Variants in AJAP1 observed in about 807,000 individuals in gnomAD.
AJAP1 encodes adherens junction-associated protein 1.
In AJAP1, 5 loss-of-function variants were observed where a neutral mutation model predicts 35.0. The ratio of observed to expected loss-of-function variants is 0.14; its 90% CI spans 0.07 to 0.30. AJAP1 has a LOEUF of 0.30. Ranked by LOEUF, AJAP1 falls within the 10% of genes least tolerant of loss-of-function variation. The pLI is 1.00. For missense variants in AJAP1, 586 were observed against 571.0 expected (o/e 1.03, Z -0.27); for synonymous variants, 284 against 249.3 (o/e 1.14, Z -1.31).
chr1:4,655,336 G>C lies in AJAP1; in HGVS notation c.-90G>C, dbSNP rs1638853433. 4 of 1,238,472 alleles carry C rather than the reference G, an allele frequency of 3.2e-6. No individual in the cohort carries two copies. Among genetic ancestry groups the C allele is most frequent in the African/African-American group, 1.6e-5 (1 of 62,494 alleles). 76.7% of individuals were successfully genotyped at this position (1,238,472 alleles called of 1,614,324 possible). On this transcript the variant is annotated 5_prime_UTR_variant, in exon 1 of 6. Coordinates refer to ENST00000378191, the MANE Select transcript of AJAP1 (RefSeq NM_018836.4). This position sits in a 1 kb window ranked among gnomAD's most constrained non-coding sequence, Gnocchi z 6.9. ...GGCGGCGGACCGAGAGCCGGAGACC[G>C]GCGCCGCGGGACGGAAGCGAGCGGG...
At chr1:4,690,560 G>A (rs1418923759) in intron 1 of AJAP1, among the ~76,000 whole-genome samples, 6 of 152,200 alleles carry the variant, frequency 3.9e-5, no homozygotes, top group Non-Finnish European at 7.3e-5. Context: ...CACTGCCCCT[G>A]TCTGGGAGAA....
Position 4,692,750 on chromosome 1 carries a change from C to G in AJAP1, c.30-19150C>G, listed in dbSNP as rs1478537849. 1.3e-5 allele frequency among the ~76,000 whole-genome samples: 2 copies of G among 152,232 alleles called. No individual in the cohort carries two copies. The highest frequency in any genetic ancestry group is 3.9e-4 in the East Asian group (2 of 5,190). ...GAAGCCACCCTGGCACTCTGCTGTC[C>G]TCCCTCCAGGTCTTGTCAGCTGAAA... On this transcript the variant is annotated intron_variant, in intron 1 of 5. Coordinates refer to ENST00000378191, the MANE Select transcript of AJAP1 (RefSeq NM_018836.4). The surrounding 1 kb of genome is among the most constrained non-coding windows in gnomAD (Gnocchi z 4.4).
intron 1 of AJAP1, among the ~76,000 whole-genome samples, chr1:4,706,359 A>G (rs1283727745): frequency 1.3e-5 from 2 of 152,202 alleles, no homozygotes; most frequent in Admixed American, 1.3e-4. Context: ...ACCTGCCCCA[A>G]CTTACTGGTA....
intron 2 of AJAP1, among the ~76,000 whole-genome samples, chr1:4,739,297 ATCG>A (rs1557633905): frequency 2.6e-5 from 4 of 152,218 alleles, no homozygotes. Context: ...CAGTGCAAGT[ATCG>A]GCAGGCTTTG....
chr1:4,657,785 C>T (rs1327001588), intron 1 of AJAP1, among the ~76,000 whole-genome samples: 1 of 151,476 alleles, frequency 6.6e-6, no homozygotes, highest in Non-Finnish European at 1.5e-5. Context: ...TGGTTATTTA[C>T]GTCTGTGTTG....
At chr1:4,739,221 A>G (rs1416592948) in intron 2 of AJAP1, among the ~76,000 whole-genome samples, 1 of 152,164 alleles carries the variant, frequency 6.6e-6, no homozygotes, top group Non-Finnish European at 1.5e-5. Context: ...GGGAAAGACG[A>G]TCTCACACAC....
At chr1:4,675,024 A>T (rs113541206) in intron 1 of AJAP1, among the ~76,000 whole-genome samples, 3 of 152,200 alleles carry the variant, frequency 2.0e-5, no homozygotes, top group African/African-American at 7.2e-5. Flanking sequence ...TCCCTTTGCC[A>T]TGAAGCCCAG....
chr1:4,678,110 T>C (rs1298930587), intron 1 of AJAP1, among the ~76,000 whole-genome samples: 2 of 152,222 alleles, frequency 1.3e-5, no homozygotes, highest in Non-Finnish European at 2.9e-5. Flanking sequence ...TGGCCAGTGC[T>C]AGGGACTGTG....
At chr1:4,663,433 C>A (rs1639047190) in intron 1 of AJAP1, among the ~76,000 whole-genome samples, 1 of 152,160 alleles carries the variant, frequency 6.6e-6, no homozygotes, top group South Asian at 2.1e-4. Context: ...CCAGGAATTC[C>A]ATGATGGGGA....
chr1:4,749,523 C>T lies in AJAP1; in HGVS notation c.830-20330C>T, dbSNP rs911495136. Reference sequence around the variant, plus strand: ...CTCTGTCTTCTCCACTGCCGGCTTCCGGAGGATGGGCAACCCAGCCCTCCA... The same window carrying T: ...CTCTGTCTTCTCCACTGCCGGCTTCTGGAGGATGGGCAACCCAGCCCTCCA... On this transcript the variant is annotated intron_variant, in intron 2 of 5. Transcript: ENST00000378191. Among the ~76,000 whole-genome samples the T allele has an allele frequency of 3.3e-5, 5 of 152,162 alleles. No individual in the cohort carries two copies. The South Asian group carries it at 6.2e-4, about 19-fold the overall frequency.
rs1422190026 is a variant in AJAP1, at chr1:4,655,757, G to T, written c.29+303G>T. Among the ~76,000 whole-genome samples, 3 of 149,504 alleles carry T rather than the reference G, an allele frequency of 2.0e-5. No homozygotes were observed. Among genetic ancestry groups the T allele is most frequent in the East Asian group, 4.0e-4 (2 of 5,012 alleles). Reference sequence around the variant, plus strand: ...GCCCGCAGCTCTAGGAGCCAGCAGCGCAGTGTCCTGGCCGGCTGCCCCGGC... The same window carrying T: ...GCCCGCAGCTCTAGGAGCCAGCAGCTCAGTGTCCTGGCCGGCTGCCCCGGC... On this transcript the variant is annotated intron_variant, in intron 1 of 5. Transcript: ENST00000378191. The surrounding 1 kb of genome is among the most constrained non-coding windows in gnomAD (Gnocchi z 6.9).
chr1:4,677,899 C>T (rs557918232), intron 1 of AJAP1, among the ~76,000 whole-genome samples: 14 of 152,278 alleles, frequency 9.2e-5, no homozygotes, highest in Admixed American at 5.2e-4. Flanking sequence ...CACTAATTTT[C>T]GTAAAACATA....
chr1:4,721,124 C>A (rs1033732843), intron 2 of AJAP1, among the ~76,000 whole-genome samples: 1 of 152,228 alleles, frequency 6.6e-6, no homozygotes, highest in South Asian at 2.1e-4. Context: ...GTTTGCCCAG[C>A]AGATGTGCTG....
intron 3 of AJAP1, 40 bp downstream of exon 3, chr1:4,769,980 C>G (rs775228816): frequency 1.3e-6 from 2 of 1,539,502 alleles, no homozygotes; most frequent in Admixed American, 1.7e-5. Flanking sequence ...AAATGGGGGA[C>G]TACCGGGGTC....
chr1:4,749,055 A>G (rs1641262267), intron 2 of AJAP1, among the ~76,000 whole-genome samples: 1 of 152,192 alleles, frequency 6.6e-6, no homozygotes, highest in Non-Finnish European at 1.5e-5. Context: ...CGGTTCAACC[A>G]GCAACACTGT....
Position 4,655,846 on chromosome 1 carries a change from G to A in AJAP1, c.29+392G>A, listed in dbSNP as rs1638868719. On this transcript the variant is annotated intron_variant, in intron 1 of 5. Coordinates refer to ENST00000378191, the MANE Select transcript of AJAP1 (RefSeq NM_018836.4). The surrounding 1 kb of genome is among the most constrained non-coding windows in gnomAD (Gnocchi z 6.9). The stretch of plus-strand genomic sequence containing the variant: ...CTGGGCGCGGCGGGCGCGGGGGCCG[G>A]GGCTGCCGGGGAAAGCTAAAGCTCC... Among the ~76,000 whole-genome samples the A allele has an allele frequency of 6.6e-6, 1 of 150,534 alleles. No individual in the cohort carries two copies. Among genetic ancestry groups the A allele is most frequent in the African/African-American group, 2.4e-5 (1 of 41,220 alleles).
At chr1:4,663,931 G>T (rs116033920) in intron 1 of AJAP1, among the ~76,000 whole-genome samples, 2,827 of 152,210 alleles carry the variant, frequency 0.019, 95 homozygotes, top group African/African-American at 0.065. Flanking sequence ...TGCGGGGCTT[G>T]CTCATAGCCG....
chr1:4,694,583 T>C (rs889117534), intron 1 of AJAP1, among the ~76,000 whole-genome samples: 1 of 152,172 alleles, frequency 6.6e-6, no homozygotes, highest in African/African-American at 2.4e-5. Context: ...AACTGTAAAC[T>C]CTCAGAAACT....
chr1:4,752,900 C>T (rs753458219), intron 2 of AJAP1, among the ~76,000 whole-genome samples: 1 of 152,312 alleles, frequency 6.6e-6, no homozygotes, highest in South Asian at 2.1e-4. Flanking sequence ...AAAGACACAA[C>T]CTGTTTTGCT....
Sources: allele counts gnomAD v4.1 joint callset (sites outside exome capture counted in the v4.1 genomes callset), GRCh38; gene constraint gnomAD v4.1.1; non-coding constraint Gnocchi (gnomAD v3.1); transcripts MANE v1.5; gene names NCBI Gene and HGNC (gene_info 2026-07-23, HGNC 2026-07-21).